The following SPEF2 variants were observed in gnomAD, a reference collection of about 807,000 sequenced individuals.
The protein encoded by SPEF2 is sperm flagellar and cilia associated 2.
Under a neutral mutation model 224.6 loss-of-function variants are expected in SPEF2, and 187 were observed. The observed-to-expected ratio is 0.83, with a 90% CI of 0.74 to 0.94. The LOEUF (loss-of-function observed/expected upper bound fraction) is 0.94. SPEF2 is among the 40% of genes least tolerant of loss of function. SPEF2 has a pLI of 0.00. For synonymous variants in SPEF2, 715 were observed against 707.3 expected (o/e 1.01, Z -0.17); for missense variants, 2,170 against 2,135.6 (o/e 1.02, Z -0.32).
intron 30 of SPEF2, chr5:35,789,164 A>G: frequency 1.4e-6 from 1 of 703,026 alleles, no homozygotes; most frequent in Non-Finnish European, 2.6e-6. Context: ...ACAGGCAGGC[A>G]GAGGCAAAAG....
At chr5:35,675,875 G>C (rs1580222987) in intron 10 of SPEF2, 2 of 455,320 alleles carry the variant, frequency 4.4e-6, no homozygotes, top group East Asian at 1.4e-4. Flanking sequence ...TGTAGGCCAA[G>C]GATTTCAGAG....
rs139338241 is a variant in SPEF2, at chr5:35,741,615, G to C, written c.3330+1348G>C. On this transcript the variant is annotated intron_variant, in intron 23 of 36. Coordinates refer to ENST00000356031, the MANE Select transcript of SPEF2 (RefSeq NM_024867.4). Reference sequence around the variant, plus strand: ...TCTGGTTTTAAAAGAGTCTGCAGTAGAGTAAAAACAGCAGGAAGACACGTT... The same window carrying C: ...TCTGGTTTTAAAAGAGTCTGCAGTACAGTAAAAACAGCAGGAAGACACGTT... 4.8e-3 allele frequency among the ~76,000 whole-genome samples: 728 copies of C among 152,270 alleles called. 5 individuals carry two copies. The highest frequency in any genetic ancestry group is 0.017 in the African/African-American group (690 of 41,548).
intron 5 of SPEF2, among the ~76,000 whole-genome samples, chr5:35,648,033 A>G (rs1041700448): frequency 2.0e-5 from 3 of 152,184 alleles, no homozygotes; most frequent in African/African-American, 7.2e-5. Context: ...CATTTATTGA[A>G]CATGTGCTGT....
At chr5:35,798,920 T>C (rs1757044598) in intron 33 of SPEF2, among the ~76,000 whole-genome samples, 1 of 152,222 alleles carries the variant, frequency 6.6e-6, no homozygotes, top group African/African-American at 2.4e-5. Context: ...TGAGACATTA[T>C]TTAAATTTTT....
chr5:35,639,135 G>A (rs1393601044), intron 2 of SPEF2, among the ~76,000 whole-genome samples: 2 of 152,190 alleles, frequency 1.3e-5, no homozygotes, highest in African/African-American at 4.8e-5. Flanking sequence ...AATCTGAACA[G>A]AGGGTAGATT....
chr5:35,646,889 C>T, intron 5 of SPEF2, 82 bp downstream of exon 5: 2 of 1,456,772 alleles, frequency 1.4e-6, no homozygotes, highest in Non-Finnish European at 9.3e-7. Flanking sequence ...GAGAGACTTT[C>T]CAAAACTTCA....
chr5:35,798,558 C>T (rs1183474301), intron 33 of SPEF2, among the ~76,000 whole-genome samples: 2 of 152,078 alleles, frequency 1.3e-5, no homozygotes, highest in Non-Finnish European at 2.9e-5. Context: ...TTTCCTTGGC[C>T]TGCTCTTTTT....
intron 2 of SPEF2, among the ~76,000 whole-genome samples, chr5:35,638,342 G>C (rs531540894): frequency 2.6e-5 from 4 of 151,788 alleles, no homozygotes; most frequent in Non-Finnish European, 5.9e-5. Flanking sequence ...CAAGGTCATG[G>C]CTTATAAGGT....
At chr5:35,796,569 G>A (rs974983598) in intron 33 of SPEF2, among the ~76,000 whole-genome samples, 3 of 149,624 alleles carry the variant, frequency 2.0e-5, no homozygotes, top group Admixed American at 6.7e-5. Flanking sequence ...CCGAGATAGC[G>A]CCACTGCAGT....
intron 10 of SPEF2, among the ~76,000 whole-genome samples, chr5:35,687,971 CA>C (rs1753894526): frequency 1.3e-5 from 2 of 151,762 alleles, no homozygotes. Context: ...AATTTGCAGG[CA>C]AAAAAATGGA....
intron 10 of SPEF2, among the ~76,000 whole-genome samples, chr5:35,677,667 C>T (rs1343104250): frequency 6.6e-6 from 1 of 152,142 alleles, no homozygotes; most frequent in Admixed American, 6.5e-5. Context: ...GGTGACTGAA[C>T]TACTTTTCCA....
chr5:35,620,028 C>T (rs377602274), intron 1 of SPEF2, among the ~76,000 whole-genome samples: 28 of 152,086 alleles, frequency 1.8e-4, no homozygotes, highest in East Asian at 1.5e-3. Context: ...ACTAGCAAAA[C>T]GTATTAATTT....
chr5:35,704,806 C>A, intron 17 of SPEF2, 144 bp downstream of exon 17: 4 of 612,026 alleles, frequency 6.5e-6, no homozygotes, highest in South Asian at 4.0e-5. Flanking sequence ...GTAGTTTTGA[C>A]AATAAGTGAA....
intron 30 of SPEF2, chr5:35,788,657 A>G: frequency 1.4e-6 from 1 of 703,044 alleles, no homozygotes; most frequent in South Asian, 1.5e-5. Context: ...CTGGGCAAAG[A>G]AGCTGGTTGG....
In SPEF2 at chr5:35,771,616, C is replaced by T. The variant is rs751230577; in HGVS notation, c.3809C>T (p.Ala1270Val). 2 of 1,589,460 alleles carry T rather than the reference C, an allele frequency of 1.3e-6. No individual in the cohort carries two copies. Among genetic ancestry groups the T allele is most frequent in the Non-Finnish European group, 1.7e-6 (2 of 1,173,720 alleles). Reference sequence around the variant, plus strand: ...TTGCTGTTACGCAACCAGGTGGCTGCTGAAATTCATCAGAGGCTTATGGAA... The same window carrying T: ...TTGCTGTTACGCAACCAGGTGGCTGTTGAAATTCATCAGAGGCTTATGGAA... The part of the protein sequence containing the change: ...ASLAVSHMVA[A>V]EIHQRLMEEE... Residue 1270 changes from alanine to valine, a missense_variant, in exon 27 of 37, where the codon GCT becomes GTT. Transcript: ENST00000356031.
Position 35,667,197 on chromosome 5 carries a change from A to G in SPEF2, c.1293A>G (p.Glu431=). Residue 431 remains glutamate, a synonymous_variant, in exon 9 of 37, where the codon GAA becomes GAG. Transcript: ENST00000356031. Reference sequence around the variant, plus strand: ...AAAAGCATTATTCAGTATGTGCAGAAATTTTGGATCAAATAGTTGATTTGT... The same window carrying G: ...AAAAGCATTATTCAGTATGTGCAGAGATTTTGGATCAAATAGTTGATTTGT... ...RYEKHYSVCA[E]ILDQIVDLST... 6.2e-7 allele frequency: 1 copy of G among 1,610,052 alleles called. No homozygotes were observed. The highest frequency in any genetic ancestry group is 1.7e-5 in the Admixed American group (1 of 59,718).
intron 21 of SPEF2, among the ~76,000 whole-genome samples, chr5:35,734,448 G>T (rs183180168): frequency 7.2e-5 from 10 of 137,946 alleles, no homozygotes; most frequent in African/African-American, 2.1e-4. Context: ...TGGTAGCTAA[G>T]GAGCTGAAAA....
At chr5:35,691,877 G>T (rs1455981186) in intron 11 of SPEF2, among the ~76,000 whole-genome samples, 2 of 152,022 alleles carry the variant, frequency 1.3e-5, no homozygotes, top group African/African-American at 2.4e-5. Context: ...TCGGCCCACT[G>T]CAACCTCTGC....
At chr5:35,697,099 A>G (rs1339556567) in intron 14 of SPEF2, among the ~76,000 whole-genome samples, 3 of 152,242 alleles carry the variant, frequency 2.0e-5, no homozygotes, top group Non-Finnish European at 4.4e-5. Context: ...ACCATTTGAC[A>G]TAAAATTCTT....
Sources: gnomAD v4.1 joint callset for allele counts (sites outside exome capture counted in the v4.1 genomes callset) on GRCh38, gnomAD v4.1.1 for gene constraint, MANE v1.5 for transcripts, NCBI Gene and HGNC (gene_info 2026-07-23, HGNC 2026-07-21) for gene names.